BDH1: variants seen among roughly 807,000 people sequenced by gnomAD.
BDH1 encodes 3-hydroxybutyrate dehydrogenase 1.
A neutral mutation model predicts 33.1 loss-of-function variants in BDH1; 30 were observed. That is an observed-to-expected ratio of 0.91 (90% CI 0.68 to 1.23). The LOEUF (loss-of-function observed/expected upper bound fraction) is 1.23. Among genes scored for constraint, BDH1 ranks in the 50% most tolerant of loss-of-function variants. The pLI is 0.00. For synonymous variants in BDH1, 190 were observed against 183.6 expected (o/e 1.03, Z -0.28); for missense variants, 443 against 464.4 (o/e 0.95, Z 0.42).
At chr3:197,569,591 A>G (rs181273331) in intron 1 of BDH1, among the ~76,000 whole-genome samples, 2 of 152,256 alleles carry the variant, frequency 1.3e-5, no homozygotes, top group Admixed American at 1.3e-4. Flanking sequence ...GTGGTAGTGA[A>G]TAAGTTTCTC....
At position 197,521,641 on chromosome 3, in the gene BDH1, A is replaced by G. The variant is rs528356865; in HGVS notation, c.409+999T>C. Among the ~76,000 whole-genome samples the G allele has an allele frequency of 1.3e-5, 2 of 152,078 alleles. No homozygotes were observed. Among genetic ancestry groups the G allele is most frequent in the South Asian group, 2.1e-4 (1 of 4,802 alleles). ...AGGGTGGGCGCTTCAGTGTCTCCCT[A>G]TCTCCCCACCTGCTCCTGCAGTGCG... is the stretch of plus-strand genomic sequence containing the variant. On this transcript the variant is annotated intron_variant, in intron 6 of 7. Coordinates refer to ENST00000392379, the MANE Select transcript of BDH1 (RefSeq NM_203314.3). This position sits in a 1 kb window ranked among gnomAD's most constrained non-coding sequence, Gnocchi z 4.9.
In BDH1 at chr3:197,528,650, G is replaced by C. The variant is rs1714348098; in HGVS notation, c.267+3762C>G. On this transcript the variant is annotated intron_variant, in intron 5 of 7. Coordinates refer to ENST00000392379, the MANE Select transcript of BDH1 (RefSeq NM_203314.3). The surrounding 1 kb of genome is among the most constrained non-coding windows in gnomAD (Gnocchi z 5.1). Reference sequence around the variant, plus strand: ...TCAGATAGCAGATGGAATGGGTCAAGAGGTAGATACCAACAGATATAACCT... The same window carrying C: ...TCAGATAGCAGATGGAATGGGTCAACAGGTAGATACCAACAGATATAACCT... The C allele has an allele frequency of 6.6e-6, 1 of 152,218 alleles. No homozygotes were observed. Among genetic ancestry groups the C allele is most frequent in the South Asian group, 2.1e-4 (1 of 4,836 alleles). The allele number at this position is 152,218 out of a possible 1,614,324, so 9.4% of individuals were successfully genotyped here.
At chr3:197,513,573 TG>T (rs1478500511) in intron 7 of BDH1, among the ~76,000 whole-genome samples, 1 of 152,020 alleles carries the variant, frequency 6.6e-6, no homozygotes, top group Non-Finnish European at 1.5e-5. Context: ...CAGCCCATCC[TG>T]GGGGAGGCAC....
intron 7 of BDH1, among the ~76,000 whole-genome samples, chr3:197,513,271 C>A (rs1392315227): frequency 6.6e-6 from 1 of 152,224 alleles, no homozygotes; most frequent in East Asian, 1.9e-4. Context: ...CGAGGCGGAT[C>A]TGGGACCAGT....
chr3:197,568,706 G>A (rs112765816), intron 1 of BDH1, among the ~76,000 whole-genome samples: 32 of 151,926 alleles, frequency 2.1e-4, no homozygotes, highest in African/African-American at 7.5e-4. Flanking sequence ...TTTAAGCAAT[G>A]TTCTTTTGAG....
intron 2 of BDH1, among the ~76,000 whole-genome samples, chr3:197,549,372 G>A (rs922495078): frequency 2.0e-5 from 3 of 152,320 alleles, no homozygotes; most frequent in East Asian, 1.9e-4. Flanking sequence ...AACAGCGTGC[G>A]CATCCTTCCT....
chr3:197,546,930 C>A (rs1179549151), intron 2 of BDH1, among the ~76,000 whole-genome samples: 1 of 152,208 alleles, frequency 6.6e-6, no homozygotes. Context: ...TCCTGAGGTG[C>A]CCACCTGCCC....
chr3:197,560,944 G>A (rs1361463644), upstream of BDH1, among the ~76,000 whole-genome samples: 1 of 152,132 alleles, frequency 6.6e-6, no homozygotes, highest in Non-Finnish European at 1.5e-5. Flanking sequence ...GCTTCAAGTT[G>A]TCCACCTTTC....
chr3:197,530,500 C>CGG (rs1714541358), intron 5 of BDH1: 1 of 151,288 alleles, frequency 6.6e-6, no homozygotes, highest in Non-Finnish European at 1.5e-5. Flanking sequence ...TTCTTGAACC[C>CGG]GGGAGGTGGA....
At chr3:197,546,338 C>G (rs1716076824) in intron 3 of BDH1, 23 bp downstream of exon 3, 1 of 1,613,170 alleles carries the variant, frequency 6.2e-7, no homozygotes, top group African/African-American at 1.3e-5. Flanking sequence ...CCCTCAAGGC[C>G]ACCACCACCT....
At position 197,554,605 on chromosome 3, in the gene BDH1, C is replaced by G. The variant is rs1280794694; in HGVS notation, c.-87G>C. ...ACAAAAGATCCTGTCAGCGCGAGGC[C>G]TGCAGGCGGCCCTCCATAGTGAAAT... On this transcript the variant is annotated 5_prime_UTR_variant, in exon 2 of 8. Transcript: ENST00000392379. This position sits in a 1 kb window ranked among gnomAD's most constrained non-coding sequence, Gnocchi z 4.4. 1 of 152,258 alleles carries G rather than the reference C, an allele frequency of 6.6e-6. No homozygotes were observed. Among genetic ancestry groups the G allele is most frequent in the Non-Finnish European group, 1.5e-5 (1 of 68,074 alleles). The allele number at this position is 152,258 out of a possible 1,614,324, so 9.4% of individuals were successfully genotyped here. A position where few individuals can be genotyped will look rare whatever the true frequency, so the allele number is the denominator to read the frequency against.
rs1211481240 is a variant in BDH1 at position 197,525,262 on chromosome 3, A to C, written c.268-2481T>G. Among the ~76,000 whole-genome samples the C allele has an allele frequency of 6.6e-6, 1 of 152,198 alleles. No homozygotes were observed. Among genetic ancestry groups the C allele is most frequent in the African/African-American group, 2.4e-5 (1 of 41,458 alleles). On this transcript the variant is annotated intron_variant, in intron 5 of 7. Coordinates refer to ENST00000392379, the MANE Select transcript of BDH1 (RefSeq NM_203314.3). This position sits in a 1 kb window ranked among gnomAD's most constrained non-coding sequence, Gnocchi z 4.9. ...AGTCTTCCACCTGGTGGCCCTTCAA[A>C]TGCCCCTTGGCGTGGAGCTCACATG...
Position 197,510,609 on chromosome 3 carries a change from T to G in BDH1, c.*1286A>C, listed in dbSNP as rs1021770286. ...GCCCTGCAGAACAGGGGTGTGTGTG[T>G]GTGTGTGTGTGTGTGTGTGTGTGTG... On this transcript the variant is annotated 3_prime_UTR_variant, in exon 8 of 8. Transcript: ENST00000392379. The G allele has an allele frequency of 6.8e-5, 2 of 29,462 alleles. No homozygotes were observed. The highest frequency in any genetic ancestry group is 5.5e-4 in the Admixed American group (2 of 3,644). 1.8% of individuals were successfully genotyped at this position (29,462 alleles called of 1,614,324 possible). A position where few individuals can be genotyped will look rare whatever the true frequency, so the allele number is the denominator to read the frequency against.
At position 197,514,263 on chromosome 3, in the gene BDH1, C is replaced by T. The variant is rs765065018; in HGVS notation, c.562+1G>A. 5 of 1,612,110 alleles carry T rather than the reference C, an allele frequency of 3.1e-6. 1 individual carries two copies. The South Asian group carries it at 5.5e-5, about 18-fold the overall frequency. ...AGGAGGGAGCTCCCTTTCCCACTCA[C>T]CTTTGGCCCTTCGGATGAGGGGGAG... is the stretch of plus-strand genomic sequence containing the variant. On this transcript the variant is annotated splice_donor_variant, in intron 7 of 7. Transcript: ENST00000392379. LOFTEE classifies it high-confidence loss of function. The surrounding 1 kb of genome is among the most constrained non-coding windows in gnomAD (Gnocchi z 4.2).
At chr3:197,564,098 TAAA>T (rs71164298) in intron 1 of BDH1, among the ~76,000 whole-genome samples, 2 of 109,060 alleles carry the variant, frequency 1.8e-5, no homozygotes, top group Non-Finnish European at 3.7e-5. Context: ...AGACTTCATC[TAAA>T]AAAAAAAAAA....
intron 7 of BDH1, among the ~76,000 whole-genome samples, chr3:197,513,261 C>A (rs529032850): frequency 1.3e-5 from 2 of 152,314 alleles, no homozygotes; most frequent in African/African-American, 2.4e-5. Context: ...CCCGGGAAGC[C>A]GAGGCGGATC....
intron 1 of BDH1, among the ~76,000 whole-genome samples, chr3:197,563,680 G>A (rs1310391588): frequency 6.6e-6 from 1 of 152,114 alleles, no homozygotes; most frequent in African/African-American, 2.4e-5. Flanking sequence ...AAATATATTT[G>A]TAAGAAAACA....
intron 1 of BDH1, among the ~76,000 whole-genome samples, chr3:197,555,070 A>G (rs943400831): frequency 1.8e-4 from 27 of 152,072 alleles, no homozygotes; most frequent in African/African-American, 5.5e-4. Context: ...CGCCGCCTGG[A>G]CTCCCACCCT....
In BDH1 at chr3:197,532,423, A is replaced by C; in HGVS notation, c.256T>G (p.Cys86Gly). 6.2e-7 allele frequency: 1 copy of C among 1,613,948 alleles called. No homozygotes were observed. The highest frequency in any genetic ancestry group is 8.5e-7 in the Non-Finnish European group (1 of 1,179,754). Residue 86 changes from cysteine to glycine, a missense_variant, in exon 5 of 8, where the codon TGC becomes GGC. By Grantham distance (159) the Cys-to-Gly change is radical. Coordinates refer to ENST00000392379, the MANE Select transcript of BDH1 (RefSeq NM_203314.3). ...HSKGFLVFAG[C>G]LMKDKGHDGV... The stretch of plus-strand genomic sequence containing the variant: ...AACTCGTCTCTTACCTTCATCAAGC[A>C]GCCAGCAAACACAAGGAAGCCTTTT...
Sources: allele counts gnomAD v4.1 joint callset (sites outside exome capture counted in the v4.1 genomes callset), GRCh38; gene constraint gnomAD v4.1.1; non-coding constraint Gnocchi (gnomAD v3.1); transcripts MANE v1.5; gene names NCBI Gene and HGNC (gene_info 2026-07-23, HGNC 2026-07-21).